TMEM154: variants seen among roughly 807,000 people sequenced by gnomAD.
TMEM154 encodes the protein transmembrane protein 154.
TMEM154 carries 27 observed loss-of-function variants against 24.5 expected under a neutral mutation model. That is an observed-to-expected ratio of 1.10 (90% CI 0.81 to 1.52). The LOEUF (loss-of-function observed/expected upper bound fraction) is 1.52. Ranked by LOEUF, TMEM154 falls within the 40% of genes most tolerant of loss-of-function variation. The pLI is 0.00. For synonymous variants in TMEM154, 67 were observed against 76.8 expected, an observed-to-expected ratio of 0.87 and a Z score of 0.67; for missense variants, 228 against 213.4, an observed-to-expected ratio of 1.07 and a Z score of -0.43.
Position 152,626,980 on chromosome 4 carries a change from C to G in TMEM154, c.*1566G>C, listed in dbSNP as rs955211195. ...TTCAGATGTGCTGGTGAGAATATGA[C>G]AGAAAATCTGTTGAAGTTGTGTACC... On this transcript the variant is annotated 3_prime_UTR_variant, in exon 7 of 7. Transcript: ENST00000304385. 1 of 152,182 alleles carries G rather than the reference C, an allele frequency of 6.6e-6. No homozygotes were observed. The highest frequency in any genetic ancestry group is 1.5e-5 in the Non-Finnish European group (1 of 68,030). The allele number at this position is 152,182 out of a possible 1,614,324, so 9.4% of individuals were successfully genotyped here.
chr4:152,663,309 C>A (rs1007687011), intron 1 of TMEM154, among the ~76,000 whole-genome samples: 1 of 152,106 alleles, frequency 6.6e-6, no homozygotes, highest in Admixed American at 6.5e-5. Context: ...TAAATTTGGG[C>A]ATATTTCAGG....
chr4:152,668,205 T>C (rs1728758124), intron 1 of TMEM154, among the ~76,000 whole-genome samples: 1 of 152,136 alleles, frequency 6.6e-6, no homozygotes, highest in Non-Finnish European at 1.5e-5. Flanking sequence ...GAATGCGTAT[T>C]TTTAGGAGAC....
chr4:152,636,525 T>C (rs930293666), intron 6 of TMEM154, among the ~76,000 whole-genome samples: 3 of 152,380 alleles, frequency 2.0e-5, no homozygotes, highest in Non-Finnish European at 4.4e-5. Flanking sequence ...ATTAAAATCC[T>C]GTGCTGTCTT....
chr4:152,667,087 G>A (rs957860170), intron 1 of TMEM154: 1 of 152,228 alleles, frequency 6.6e-6, no homozygotes, highest in African/African-American at 2.4e-5. Context: ...TCTGCCATCT[G>A]TCTCCTTCAC....
At chr4:152,670,328 T>C (rs905249693) in intron 1 of TMEM154, among the ~76,000 whole-genome samples, 1 of 152,172 alleles carries the variant, frequency 6.6e-6, no homozygotes. Flanking sequence ...GGCTCACGCC[T>C]GTAATCTGTA....
In TMEM154 at chr4:152,634,679, G is replaced by A. The variant is rs1361806452; in HGVS notation, c.537-6118C>T. Among the ~76,000 whole-genome samples, 8 of 152,154 alleles carry A rather than the reference G, an allele frequency of 5.3e-5. No individual in the cohort carries two copies. The East Asian group carries it at 5.8e-4, about 11-fold the overall frequency. ...TACATGCACACACACACGTGCGCAC[G>A]TGCATCTGTGTTTTAATAATATTAT... On this transcript the variant is annotated intron_variant, in intron 6 of 6. Coordinates refer to ENST00000304385, the MANE Select transcript of TMEM154 (RefSeq NM_152680.3).
intron 3 of TMEM154, 32 bp downstream of exon 3, chr4:152,652,501 ACCCCC>A: frequency 6.2e-7 from 1 of 1,610,958 alleles, no homozygotes; most frequent in South Asian, 1.1e-5. Context: ...CTCCAATCCC[ACCCCC>A]ACCTGTAGGC....
At chr4:152,641,903 CTTTTTTTTTT>C (rs780465309) in intron 5 of TMEM154, among the ~76,000 whole-genome samples, 7 of 41,480 alleles carry the variant, frequency 1.7e-4, no homozygotes, top group East Asian at 1.7e-3. Context: ...AGCAATAATT[CTTTTTTTTTT>C]TTTTTTTTTT....
At position 152,661,284 on chromosome 4, in the gene TMEM154, T is replaced by TTCTCTCTCTC. The variant is rs70949609; in HGVS notation, c.65-8367_65-8358dup. Among the ~76,000 whole-genome samples the TTCTCTCTCTC allele has an allele frequency of 1.7e-3, 107 of 63,438 alleles. 5 individuals carry two copies. Among genetic ancestry groups the TTCTCTCTCTC allele is most frequent in the Admixed American group, 2.2e-3 (10 of 4,446 alleles). The allele number at this position is 63,438 out of a possible 152,430, so 41.6% of individuals were successfully genotyped here. ...AATGAGAATCAAGGGATTGTTCTCT[T>TTCTCTCTCTC]TCTCTCTCTCTCTCTCTCTCTCTCT... is the stretch of plus-strand genomic sequence containing the variant. On this transcript the variant is annotated intron_variant, in intron 1 of 6. Coordinates refer to ENST00000304385, the MANE Select transcript of TMEM154 (RefSeq NM_152680.3).
intron 3 of TMEM154, among the ~76,000 whole-genome samples, chr4:152,647,540 G>GT (rs1033318315): frequency 2.6e-5 from 4 of 151,782 alleles, no homozygotes; most frequent in Non-Finnish European, 5.9e-5. Flanking sequence ...TTTCTCTGTT[G>GT]TTTTTTTTAA....
intron 1 of TMEM154, among the ~76,000 whole-genome samples, chr4:152,654,434 C>T (rs990798757): frequency 3.9e-5 from 6 of 152,212 alleles, no homozygotes; most frequent in Non-Finnish European, 8.8e-5. Context: ...CTTCATAATC[C>T]CATGACAATG....
chr4:152,640,373 T>C (rs1309531724), intron 6 of TMEM154, among the ~76,000 whole-genome samples: 3 of 152,132 alleles, frequency 2.0e-5, no homozygotes, highest in African/African-American at 7.2e-5. Flanking sequence ...ACCCCAAATG[T>C]GGTCATTTCT....
At chr4:152,630,700 T>C (rs1401947203) in intron 6 of TMEM154, among the ~76,000 whole-genome samples, 3 of 152,218 alleles carry the variant, frequency 2.0e-5, no homozygotes, top group African/African-American at 4.8e-5. Context: ...TTAATTATTA[T>C]AAAATTTGTC....
At chr4:152,635,563 T>C (rs1288674454) in intron 6 of TMEM154, among the ~76,000 whole-genome samples, 2 of 152,100 alleles carry the variant, frequency 1.3e-5, no homozygotes, top group Non-Finnish European at 2.9e-5. Flanking sequence ...AATTATACTT[T>C]CTCAAAAAAT....
intron 3 of TMEM154, chr4:152,646,794 G>T: frequency 1.7e-6 from 1 of 602,228 alleles, no homozygotes; most frequent in East Asian, 2.8e-5. Context: ...AGCTACAGGA[G>T]CCTCTGGCTT....
rs1375694827 is a variant in TMEM154, at chr4:152,655,427, A to G, written c.65-2500T>C. ...TGGCATTGCTCCAGAGAGGGACCTT[A>G]TGCGGAGTCCCACACACCCCTGAGC... On this transcript the variant is annotated intron_variant, in intron 1 of 6. Transcript: ENST00000304385. 2.6e-5 allele frequency among the ~76,000 whole-genome samples: 4 copies of G among 152,314 alleles called. No homozygotes were observed. The East Asian group carries it at 7.7e-4, about 29-fold the overall frequency.
chr4:152,653,451 A>T (rs1423585000), intron 1 of TMEM154, among the ~76,000 whole-genome samples: 5 of 146,318 alleles, frequency 3.4e-5, no homozygotes, highest in African/African-American at 1.0e-4. Context: ...GCGTAGTGGC[A>T]TGATCTCAGC....
chr4:152,627,738 T>G lies in TMEM154; in HGVS notation c.*808A>C, dbSNP rs1405927684. 1 of 152,228 alleles carries G rather than the reference T, an allele frequency of 6.6e-6. No individual in the cohort carries two copies. The highest frequency in any genetic ancestry group is 1.5e-5 in the Non-Finnish European group (1 of 68,034). 9.4% of individuals were successfully genotyped at this position (152,228 alleles called of 1,614,324 possible). ...ATGACTCCCACCTGCACATACTTCC[T>G]ACCTACATGTCACATCCAAGGGAGG... On this transcript the variant is annotated 3_prime_UTR_variant, in exon 7 of 7. Transcript: ENST00000304385.
intron 6 of TMEM154, among the ~76,000 whole-genome samples, chr4:152,636,201 A>G (rs746063660): frequency 6.6e-6 from 1 of 152,194 alleles, no homozygotes; most frequent in Non-Finnish European, 1.5e-5. Flanking sequence ...AGTTAAAACA[A>G]TAATAAAACC....
Sources: allele counts gnomAD v4.1 joint callset (sites outside exome capture counted in the v4.1 genomes callset), GRCh38; gene constraint gnomAD v4.1.1; transcripts MANE v1.5; gene names NCBI Gene and HGNC (gene_info 2026-07-23, HGNC 2026-07-21).